Variants in ANKFN1 observed in about 807,000 individuals in gnomAD.
ANKFN1 encodes the protein ankyrin repeat and fibronectin type III domain containing 1, also known as ankyrin repeat and fibronectin type-III domain-containing protein 1.
In ANKFN1, 74 loss-of-function variants were observed where a neutral mutation model predicts 108.7. The observed-to-expected ratio is 0.68, with a 90% CI of 0.56 to 0.83. The LOEUF (loss-of-function observed/expected upper bound fraction) is 0.83, where lower values mean the gene tolerates loss of function less well. Ranked by LOEUF, ANKFN1 falls within the 40% of genes least tolerant of loss-of-function variation. The probability of loss-of-function intolerance (pLI) is 0.00; values close to 1 mark genes in which losing one functional copy is unlikely to be tolerated. For synonymous variants in ANKFN1, 547 were observed against 516.2 expected, an observed-to-expected ratio of 1.06 and a Z score of -0.81; for missense variants, 1,505 against 1,382.3, an observed-to-expected ratio of 1.09 and a Z score of -1.41.
At chr17:56,304,884 A>C (rs1264585933) in intron 3 of ANKFN1, among the ~76,000 whole-genome samples, 3 of 152,072 alleles carry the variant, frequency 2.0e-5, no homozygotes, top group African/African-American at 7.2e-5. Context: ...CCATTTCCGC[A>C]TTGGAATATT....
In ANKFN1 at chr17:56,383,927, C is replaced by G. The variant is rs1007568601; in HGVS notation, c.910+9213C>G. Among the ~76,000 whole-genome samples, 17 of 152,140 alleles carry G rather than the reference C, an allele frequency of 1.1e-4. 1 individual carries two copies. Among genetic ancestry groups the G allele is most frequent in the South Asian group, 2.1e-4 (1 of 4,822 alleles). The stretch of plus-strand genomic sequence containing the variant: ...AGGAGGAACTGGTACCATTACTTCT[C>G]AAACTATTCCAATCAATAGAAAAAG... On this transcript the variant is annotated intron_variant, in intron 8 of 20. Coordinates refer to ENST00000682825, the MANE Select transcript of ANKFN1 (RefSeq NM_001370326.1).
At chr17:56,476,691 C>G (rs1249781916) in intron 15 of ANKFN1, among the ~76,000 whole-genome samples, 1 of 152,140 alleles carries the variant, frequency 6.6e-6, no homozygotes, top group African/African-American at 2.4e-5. Context: ...GCAAGGATTT[C>G]ATAAGAGTGT....
rs8069281 is a variant in ANKFN1, at chr17:56,181,403, G to C, written c.-71+27873G>C. On this transcript the variant is annotated intron_variant, in intron 1 of 20. Transcript: ENST00000682825. ...CTTTACAAAGCACTTTATATAAATA[G>C]TGTGTCATTTCTTCTTTGCAACAAC... Among the ~76,000 whole-genome samples the C allele has an allele frequency of 1.7e-3, 264 of 152,272 alleles. 3 individuals are homozygous for C. The highest frequency in any genetic ancestry group is 6.1e-3 in the African/African-American group (254 of 41,568).
chr17:56,102,703 G>A (rs1905670628), intron 4 of ANKFN1, among the ~76,000 whole-genome samples: 1 of 151,916 alleles, frequency 6.6e-6, no homozygotes, highest in Admixed American at 6.6e-5. Context: ...AGGTGTGCAT[G>A]CAGATTTTGG....
At chr17:56,055,176 A>T (rs1347865142) in intron 4 of ANKFN1, among the ~76,000 whole-genome samples, 1 of 152,010 alleles carries the variant, frequency 6.6e-6, no homozygotes, top group African/African-American at 2.4e-5. Context: ...CAAATAGTAA[A>T]CATTGTACCT....
At chr17:56,081,367 T>A (rs1905244065) in intron 4 of ANKFN1, among the ~76,000 whole-genome samples, 1 of 152,146 alleles carries the variant, frequency 6.6e-6, no homozygotes. Context: ...ATTTTTATTT[T>A]TTTGAGACAG....
At chr17:56,211,538 G>A (rs935675801) in intron 1 of ANKFN1, among the ~76,000 whole-genome samples, 1 of 152,142 alleles carries the variant, frequency 6.6e-6, no homozygotes, top group Non-Finnish European at 1.5e-5. Context: ...GTCAGGTAAT[G>A]TAATATCTCC....
At chr17:56,048,255 T>TC (rs1904713715) in intron 4 of ANKFN1, among the ~76,000 whole-genome samples, 1 of 152,120 alleles carries the variant, frequency 6.6e-6, no homozygotes, top group Non-Finnish European at 1.5e-5. Context: ...ATAGTTTTTT[T>TC]CATAATTATA....
chr17:56,503,796 T>C (rs1372904801), intron 20 of ANKFN1, among the ~76,000 whole-genome samples: 1 of 151,962 alleles, frequency 6.6e-6, no homozygotes, highest in Non-Finnish European at 1.5e-5. Flanking sequence ...CCAGCACTAA[T>C]ACTATGAGCA....
chr17:56,185,161 C>T (rs1032420837), intron 1 of ANKFN1, among the ~76,000 whole-genome samples: 1 of 152,096 alleles, frequency 6.6e-6, no homozygotes, highest in African/African-American at 2.4e-5. Flanking sequence ...AATGTCATCC[C>T]AGGGTGTTAT....
chr17:56,250,924 A>G (rs568113792), intron 3 of ANKFN1, among the ~76,000 whole-genome samples: 1 of 152,320 alleles, frequency 6.6e-6, no homozygotes, highest in South Asian at 2.1e-4. Flanking sequence ...ACTGCTTACC[A>G]CAGAGCCAGA....
upstream of ANKFN1, among the ~76,000 whole-genome samples, chr17:56,149,369 T>G (rs1157570628): frequency 6.6e-6 from 1 of 152,016 alleles, no homozygotes; most frequent in Non-Finnish European, 1.5e-5. Context: ...ATGAGTAAGC[T>G]CTGTAGAAAA....
At chr17:56,344,740 G>A (rs1159314279) in intron 4 of ANKFN1, among the ~76,000 whole-genome samples, 1 of 151,968 alleles carries the variant, frequency 6.6e-6, no homozygotes, top group Non-Finnish European at 1.5e-5. Flanking sequence ...GATAAGCCTT[G>A]TGAGTAGGAT....
chr17:56,397,374 C>A (rs990947895), intron 8 of ANKFN1, among the ~76,000 whole-genome samples: 3 of 152,172 alleles, frequency 2.0e-5, no homozygotes, highest in Non-Finnish European at 4.4e-5. Context: ...AGAAATAATT[C>A]ATCAAGGGAA....
At chr17:56,133,164 A>C (rs996308200) in intron 4 of ANKFN1, among the ~76,000 whole-genome samples, 17 of 152,156 alleles carry the variant, frequency 1.1e-4, no homozygotes, top group African/African-American at 4.1e-4. Context: ...ATATCGACTC[A>C]TTTCTGTCAC....
At chr17:56,137,607 A>G (rs1229314270) in intron 4 of ANKFN1, among the ~76,000 whole-genome samples, 1 of 152,166 alleles carries the variant, frequency 6.6e-6, no homozygotes, top group African/African-American at 2.4e-5. Flanking sequence ...ACCTGTAAAT[A>G]ATGAGTCATA....
chr17:56,508,381 T>A (rs979982850), intron 20 of ANKFN1, among the ~76,000 whole-genome samples: 1 of 152,236 alleles, frequency 6.6e-6, no homozygotes, highest in East Asian at 1.9e-4. Flanking sequence ...TTTAAAAATA[T>A]GTTTTTTGAA....
chr17:56,431,131 G>T (rs531391590), intron 8 of ANKFN1, among the ~76,000 whole-genome samples: 1 of 152,240 alleles, frequency 6.6e-6, no homozygotes, highest in South Asian at 2.1e-4. Context: ...GATGGAGAAG[G>T]CCCAGACCAT....
At chr17:56,373,817 A>G (rs9907103) in intron 7 of ANKFN1, among the ~76,000 whole-genome samples, 113,379 of 152,186 alleles carry the variant, frequency 0.75, 42,434 homozygotes, top group East Asian at 0.96. Flanking sequence ...ATTTGCTATT[A>G]TGCCTCATTT....
Sources: gnomAD v4.1 joint callset for allele counts (sites outside exome capture counted in the v4.1 genomes callset) on GRCh38, gnomAD v4.1.1 for gene constraint, MANE v1.5 for transcripts, NCBI Gene and HGNC (gene_info 2026-07-23, HGNC 2026-07-21) for gene names.